YAE1: variants seen among roughly 807,000 people sequenced by gnomAD.
YAE1 encodes YAE1 maturation factor of ABCE1.
A neutral mutation model predicts 23.0 loss-of-function variants in YAE1; 22 were observed. The ratio of observed to expected loss-of-function variants is 0.96; its 90% confidence interval spans 0.68 to 1.37. YAE1 has a LOEUF of 1.37. YAE1 is among the 40% of genes most tolerant of loss of function. The probability of loss-of-function intolerance (pLI) is 0.00; values close to 1 mark genes in which losing one functional copy is unlikely to be tolerated. For missense variants in YAE1, 260 were observed against 262.1 expected (o/e 0.99, Z 0.06); for synonymous variants, 101 against 97.0 (o/e 1.04, Z -0.24).
At chr7:39,588,156 C>G (rs538023824) in intron 2 of YAE1, among the ~76,000 whole-genome samples, 12 of 152,262 alleles carry the variant, frequency 7.9e-5, no homozygotes, top group African/African-American at 2.9e-4. Context: ...TTCTGAAAAG[C>G]TAGTATTACT....
chr7:39,601,149 G>C (rs1791049990), intron 2 of YAE1, among the ~76,000 whole-genome samples: 2 of 152,132 alleles, frequency 1.3e-5, no homozygotes, highest in African/African-American at 4.8e-5. Context: ...AATGCTCTTT[G>C]GTTAGGCACA....
chr7:39,569,915 A>C, intron 1 of YAE1: 1 of 1,220,298 alleles, frequency 8.2e-7, no homozygotes, highest in Non-Finnish European at 1.2e-6. Context: ...CAGTTATTGT[A>C]AACTGTCCAG....
At chr7:39,573,264 A>G (rs1790602469), downstream of YAE1, among the ~76,000 whole-genome samples, 1 of 151,720 alleles carries the variant, frequency 6.6e-6, no homozygotes, top group African/African-American at 2.4e-5. Context: ...GTGTTAATTA[A>G]AAGTAAGGAC....
Position 39,583,239 on chromosome 7 carries a change from A to C in YAE1, c.251+12612A>C, listed in dbSNP as rs569941922. The stretch of plus-strand genomic sequence containing the variant: ...TAAGTGAAAGTCATAAAATGTATAC[A>C]TGTGGACATATTATACAAAAATGTA... On this transcript the variant is annotated intron_variant, in intron 2 of 2. Coordinates refer to the YAE1 transcript ENST00000432096. Among the ~76,000 whole-genome samples the C allele has an allele frequency of 3.9e-5, 6 of 152,398 alleles. No individual in the cohort carries two copies. The South Asian group carries it at 1.2e-3, about 32-fold the overall frequency.
At position 39,572,429 on chromosome 7, in the gene YAE1, A is replaced by C; in HGVS notation, c.404A>C (p.Asp135Ala). 1.9e-6 allele frequency: 3 copies of C among 1,614,122 alleles called. No homozygotes were observed. The highest frequency in any genetic ancestry group is 2.5e-6 in the Non-Finnish European group (3 of 1,179,986). The change falls in exon 3 of 3, where the codon GAC (aspartate) becomes GCC (alanine). Residue 135 changes from aspartate (D) to alanine (A), a missense_variant. Transcript: ENST00000223273. Reference protein sequence around the residue: ...TPPSHVVDLLDSIEDMDLCHV... With the variant: ...TPPSHVVDLLASIEDMDLCHV... The stretch of plus-strand genomic sequence containing the variant: ...CCGTCCCATGTTGTAGATTTATTGG[A>C]CTCCATTGAGGATATGGACCTTTGT...
intron 2 of YAE1, among the ~76,000 whole-genome samples, chr7:39,593,113 T>G (rs1790923348): frequency 6.6e-6 from 1 of 151,726 alleles, no homozygotes. Context: ...GTTAAGCCTA[T>G]CTAGTGAATT....
At chr7:39,593,075 T>A (rs1790922583) in intron 2 of YAE1, among the ~76,000 whole-genome samples, 1 of 152,062 alleles carries the variant, frequency 6.6e-6, no homozygotes, top group Non-Finnish European at 1.5e-5. Flanking sequence ...AGGGTACTAG[T>A]TCTTTCTCCT....
At chr7:39,570,393 T>C in intron 1 of YAE1, 113 bp from the exon 2 acceptor site, 1 of 1,248,440 alleles carries the variant, frequency 8.0e-7, no homozygotes, top group Non-Finnish European at 1.1e-6. Context: ...TTATGGTCAG[T>C]AACACAGTAA....
intron 2 of YAE1, among the ~76,000 whole-genome samples, chr7:39,598,261 C>T (rs973527245): frequency 4.6e-5 from 7 of 152,010 alleles, no homozygotes; most frequent in African/African-American, 1.4e-4. Context: ...ATGTGCAAGC[C>T]ACCATGCCAA....
chr7:39,569,527 A>G (rs1298794567), intron 1 of YAE1: 3 of 495,814 alleles, frequency 6.1e-6, no homozygotes, highest in Non-Finnish European at 1.2e-5. Context: ...GGTTGAGCAG[A>G]TTCTGATAAT....
In YAE1 at chr7:39,572,402, C is replaced by T; in HGVS notation, c.377C>T (p.Pro126Leu). ...CTCAAACATCTGAAATCAATCACTC[C>T]ACCGTCCCATGTTGTAGATTTATTG... ...YVLKHLKSIT[P>L]PSHVVDLLDS... The change falls in exon 3 of 3, where the codon CCA becomes CTA. Residue 126 changes from proline (P) to leucine (L), a missense_variant. Physicochemically the swap from Pro to Leu is moderately conservative, Grantham distance 98. Transcript: ENST00000223273. The T allele has an allele frequency of 6.2e-7, 1 of 1,614,084 alleles. No individual in the cohort carries two copies. Among genetic ancestry groups the T allele is most frequent in the Non-Finnish European group, 8.5e-7 (1 of 1,179,986 alleles).
intron 2 of YAE1, among the ~76,000 whole-genome samples, chr7:39,581,901 C>A (rs952933213): frequency 6.6e-6 from 1 of 151,792 alleles, no homozygotes; most frequent in Non-Finnish European, 1.5e-5. Flanking sequence ...AGAAAATAAC[C>A]ATAAAAATAG....
intron 2 of YAE1, among the ~76,000 whole-genome samples, chr7:39,593,122 T>A (rs1300426753): frequency 1.3e-5 from 2 of 151,810 alleles, no homozygotes; most frequent in African/African-American, 4.8e-5. Flanking sequence ...ATCTAGTGAA[T>A]TTTTAAATAT....
chr7:39,607,208 G>C (rs1791142136), intron 2 of YAE1, among the ~76,000 whole-genome samples: 1 of 152,144 alleles, frequency 6.6e-6, no homozygotes, highest in Non-Finnish European at 1.5e-5. Flanking sequence ...GTGGTCGATA[G>C]AATAATGTCT....
At chr7:39,606,645 C>A (rs1791133786) in intron 2 of YAE1, among the ~76,000 whole-genome samples, 1 of 152,018 alleles carries the variant, frequency 6.6e-6, no homozygotes, top group African/African-American at 2.4e-5. Context: ...AGGGTGTGCC[C>A]ACAATTCTCT....
In YAE1 at chr7:39,566,484, A is replaced by G; in HGVS notation, c.66A>G (p.Glu22=). Residue 22 remains glutamate (E), a synonymous_variant, in exon 1 of 3, where the codon GAA becomes GAG. Coordinates refer to ENST00000223273, the MANE Select transcript of YAE1 (RefSeq NM_020192.5). ...GPGDKGDVFD[E]EADESLLAQR... ...GAGACAAAGGGGACGTGTTTGACGA[A>G]GAAGCAGACGAGTCGCTCCTGGCGC... The G allele has an allele frequency of 6.2e-7, 1 of 1,614,194 alleles. No individual in the cohort carries two copies. Among genetic ancestry groups the G allele is most frequent in the Non-Finnish European group, 8.5e-7 (1 of 1,180,012 alleles).
intron 2 of YAE1, among the ~76,000 whole-genome samples, chr7:39,605,587 G>A (rs1791118318): frequency 6.6e-6 from 1 of 152,144 alleles, no homozygotes; most frequent in Non-Finnish European, 1.5e-5. Flanking sequence ...TTTTCAGACT[G>A]GAACTTACAC....
chr7:39,582,902 C>T (rs1322882844), intron 2 of YAE1, among the ~76,000 whole-genome samples: 1 of 152,102 alleles, frequency 6.6e-6, no homozygotes, highest in Non-Finnish European at 1.5e-5. Context: ...AGAAAGATGC[C>T]AAAGATCGGT....
intron 2 of YAE1, among the ~76,000 whole-genome samples, chr7:39,588,835 T>G (rs1156484745): frequency 6.6e-6 from 1 of 152,134 alleles, no homozygotes; most frequent in Non-Finnish European, 1.5e-5. Context: ...TTTTTTTCTT[T>G]TTTTTGGAGA....
Sources: allele counts gnomAD v4.1 joint callset (sites outside exome capture counted in the v4.1 genomes callset), GRCh38; gene constraint gnomAD v4.1.1; transcripts MANE v1.5; gene names NCBI Gene and HGNC (gene_info 2026-07-23, HGNC 2026-07-21).